The following VPS13C variants were observed in gnomAD, a reference collection of about 807,000 sequenced individuals.
The protein encoded by VPS13C is vacuolar protein sorting 13 homolog C.
VPS13C carries 358 observed loss-of-function variants against 456.8 expected under a neutral mutation model. The observed-to-expected ratio is 0.78, with a 90% CI of 0.72 to 0.86. The LOEUF (loss-of-function observed/expected upper bound fraction) is 0.86, where lower values mean the gene tolerates loss of function less well. Among genes scored for constraint, VPS13C ranks in the 40% least tolerant of loss-of-function variants. VPS13C has a pLI of 0.00. For synonymous variants in VPS13C, 1,578 were observed against 1,486.7 expected, an observed-to-expected ratio of 1.06 and a Z score of -1.41; for missense variants, 4,818 against 4,385.4, an observed-to-expected ratio of 1.10 and a Z score of -2.79.
chr15:61,875,490 C>T (rs1487762426), intron 76 of VPS13C, among the ~76,000 whole-genome samples: 2 of 152,030 alleles, frequency 1.3e-5, no homozygotes, highest in Admixed American at 1.3e-4. Context: ...CTACCCAGCA[C>T]TCTAAATATT....
At chr15:61,878,916 C>T (rs191741499) in intron 73 of VPS13C, among the ~76,000 whole-genome samples, 170 bp from the exon 74 acceptor site, 5 of 152,148 alleles carry the variant, frequency 3.3e-5, no homozygotes, top group African/African-American at 1.2e-4. Flanking sequence ...ACATTTGATT[C>T]TCTTTGCTTT....
chr15:61,898,053 G>A (rs2042884348), intron 66 of VPS13C, among the ~76,000 whole-genome samples: 2 of 152,066 alleles, frequency 1.3e-5, no homozygotes, highest in African/African-American at 4.8e-5. Flanking sequence ...AGCAAATGCT[G>A]AGAGATTTTG....
chr15:61,933,873 G>A (rs2044139745), intron 49 of VPS13C, among the ~76,000 whole-genome samples: 1 of 151,814 alleles, frequency 6.6e-6, no homozygotes, highest in African/African-American at 2.4e-5. Flanking sequence ...TTATTCTTAA[G>A]TCGTTATATA....
chr15:62,051,413 C>A (rs997195981), intron 1 of VPS13C, among the ~76,000 whole-genome samples: 1 of 152,204 alleles, frequency 6.6e-6, no homozygotes, highest in African/African-American at 2.4e-5. Flanking sequence ...GCAATAGAAG[C>A]TGAGGCTTAG....
chr15:61,854,978 G>A (rs779532180), intron 83 of VPS13C, 24 bp from the exon 84 acceptor site: 2 of 1,569,662 alleles, frequency 1.3e-6, no homozygotes, highest in Non-Finnish European at 1.7e-6. Context: ...AACAATGACA[G>A]AAAAGAAATT....
rs376956801 is a variant in VPS13C, at chr15:62,012,099, T to C, written c.883+8A>G. On this transcript the variant is annotated splice_region_variant and intron_variant, in intron 12 of 84. Coordinates refer to ENST00000644861, the MANE Select transcript of VPS13C (RefSeq NM_020821.3). ...TATAACATGAAATAAACTTTTACTA[T>C]TACTTACTGTATTGATAATTTGGGG... 1.5e-5 allele frequency: 22 copies of C among 1,453,562 alleles called. No homozygotes were observed. In the African/African-American group the frequency reaches 2.1e-4, roughly 14 times the overall value. The allele number at this position is 1,453,562 out of a possible 1,614,324, so 90.0% of individuals were successfully genotyped here.
At chr15:61,898,050 G>A (rs1280200792) in intron 66 of VPS13C, among the ~76,000 whole-genome samples, 2 of 152,004 alleles carry the variant, frequency 1.3e-5, no homozygotes, top group East Asian at 3.9e-4. Flanking sequence ...ACAAGCAAAT[G>A]CTGAGAGATT....
Position 62,057,298 on chromosome 15 carries a change from A to C in VPS13C, c.100+2977T>G, listed in dbSNP as rs192998135. Among the ~76,000 whole-genome samples, 146 of 152,330 alleles carry C rather than the reference A, an allele frequency of 9.6e-4. 1 individual carries two copies. The highest frequency in any genetic ancestry group is 3.4e-3 in the African/African-American group (143 of 41,578). On this transcript the variant is annotated intron_variant, in intron 1 of 84. Coordinates refer to ENST00000644861, the MANE Select transcript of VPS13C (RefSeq NM_020821.3). ...TTATATAGAATTTTCAATTTTTTGT[A>C]AAACTTGTCAACATCATGGTTATCA... is the stretch of plus-strand genomic sequence containing the variant.
intron 16 of VPS13C, among the ~76,000 whole-genome samples, chr15:61,999,171 G>A (rs531212307): frequency 5.5e-4 from 84 of 152,230 alleles, no homozygotes; most frequent in African/African-American, 1.8e-3. Flanking sequence ...CTGAGGTCAG[G>A]AGTTCGAGAC....
intron 49 of VPS13C, 56 bp from the exon 50 acceptor site, chr15:61,931,315 C>T: frequency 1.4e-6 from 2 of 1,460,162 alleles, no homozygotes; most frequent in Non-Finnish European, 1.8e-6. Flanking sequence ...TATATAATTA[C>T]TTTTAAACAT....
At chr15:61,882,853 A>G in intron 68 of VPS13C, 117 bp from the exon 69 acceptor site, 1 of 1,121,670 alleles carries the variant, frequency 8.9e-7, no homozygotes, top group Non-Finnish European at 1.2e-6. Context: ...TCTCACCAAC[A>G]GATCTATCTT....
intron 28 of VPS13C, among the ~76,000 whole-genome samples, chr15:61,967,795 T>G (rs575617544): frequency 1.3e-5 from 2 of 152,156 alleles, no homozygotes; most frequent in East Asian, 3.9e-4. Context: ...AGCTTTGTTT[T>G]TGTTTTTTTT....
chr15:61,896,376 A>G (rs11071636), intron 66 of VPS13C, among the ~76,000 whole-genome samples: 87,589 of 151,954 alleles, frequency 0.58, 25,477 homozygotes, highest in Admixed American at 0.64. Flanking sequence ...GACAGTGGGC[A>G]CAGGTCAGTG....
chr15:61,914,900 A>AAAAAAC lies in VPS13C; in HGVS notation c.8445+732_8445+733insGTTTTT, dbSNP rs1566996678. Reference sequence around the variant, plus strand: ...CCTTAAAAAAAAAAAAAAAAAAAAAAAAAAAAAAACCTTTAGGTGTTTCTA... The same window carrying AAAAAAC: ...CCTTAAAAAAAAAAAAAAAAAAAAAAAAAAACAAAAAAAAACCTTTAGGTGTTTCTA... On this transcript the variant is annotated intron_variant, in intron 61 of 84. Coordinates refer to ENST00000644861, the MANE Select transcript of VPS13C (RefSeq NM_020821.3). 4.9e-4 allele frequency among the ~76,000 whole-genome samples: 55 copies of AAAAAAC among 112,212 alleles called. 1 individual carries two copies. Among genetic ancestry groups the AAAAAAC allele is most frequent in the African/African-American group, 1.7e-3 (52 of 29,956 alleles). 73.6% of individuals were successfully genotyped at this position (112,212 alleles called of 152,430 possible). A position where few individuals can be genotyped will look rare whatever the true frequency, so the allele number is the denominator to read the frequency against.
intron 26 of VPS13C, 39 bp from the exon 27 acceptor site, chr15:61,972,803 A>G (rs763070136): frequency 1.9e-6 from 3 of 1,548,744 alleles, no homozygotes; most frequent in Non-Finnish European, 2.6e-6. Context: ...GAGACAATGT[A>G]CATTGAAAAC....
At chr15:61,940,187 A>G (rs2044371385) in intron 47 of VPS13C, among the ~76,000 whole-genome samples, 1 of 152,172 alleles carries the variant, frequency 6.6e-6, no homozygotes, top group African/African-American at 2.4e-5. Flanking sequence ...GGCCCTCTAC[A>G]CATTTAAAAA....
intron 74 of VPS13C, among the ~76,000 whole-genome samples, chr15:61,877,815 G>C (rs1895562150): frequency 6.6e-6 from 1 of 151,750 alleles, no homozygotes; most frequent in Non-Finnish European, 1.5e-5. Context: ...TGTATTCTTT[G>C]ATAAATAATA....
At chr15:61,928,979 G>C (rs2043963007) in intron 51 of VPS13C, among the ~76,000 whole-genome samples, 1 of 152,092 alleles carries the variant, frequency 6.6e-6, no homozygotes, top group Non-Finnish European at 1.5e-5. Flanking sequence ...GAAAATCACT[G>C]ATCTACTGGA....
At chr15:62,038,566 A>G (rs1382974316) in intron 3 of VPS13C, among the ~76,000 whole-genome samples, 2 of 152,216 alleles carry the variant, frequency 1.3e-5, no homozygotes, top group Admixed American at 6.5e-5. Context: ...CAGGCTGGGC[A>G]ACAGAGCAAG....
Sources: allele counts gnomAD v4.1 joint callset (sites outside exome capture counted in the v4.1 genomes callset), GRCh38; gene constraint gnomAD v4.1.1; transcripts MANE v1.5; gene names NCBI Gene and HGNC (gene_info 2026-07-23, HGNC 2026-07-21).